The following SLC9B2 variants were observed in gnomAD, a reference collection of about 807,000 sequenced individuals.
SLC9B2 encodes the protein solute carrier family 9 member B2.
SLC9B2 carries 39 observed loss-of-function variants against 52.2 expected under a neutral mutation model. The ratio of observed to expected loss-of-function variants is 0.75; its 90% CI spans 0.58 to 0.98. The LOEUF is 0.98. Among genes scored for constraint, SLC9B2 ranks in the 50% least tolerant of loss-of-function variants. The pLI, the probability that SLC9B2 is intolerant of heterozygous loss-of-function variation, is 0.00. For synonymous variants in SLC9B2, 214 were observed against 227.0 expected (o/e 0.94, Z 0.51); for missense variants, 626 against 637.5 (o/e 0.98, Z 0.19).
At chr4:103,043,273 G>T in intron 9 of SLC9B2, 23 bp downstream of exon 9, 1 of 1,588,888 alleles carries the variant, frequency 6.3e-7, no homozygotes, top group Non-Finnish European at 8.5e-7. Flanking sequence ...GTCATGAGCA[G>T]AAAAACTTAA....
intron 4 of SLC9B2, among the ~76,000 whole-genome samples, chr4:103,054,172 G>A (rs1340086772): frequency 6.6e-6 from 1 of 152,134 alleles, no homozygotes; most frequent in Non-Finnish European, 1.5e-5. Context: ...GGAAGGCTGA[G>A]GCAGGAAGAT....
chr4:103,060,656 T>A (rs1049077970), intron 3 of SLC9B2, among the ~76,000 whole-genome samples: 3 of 151,922 alleles, frequency 2.0e-5, no homozygotes, highest in Non-Finnish European at 2.9e-5. Context: ...ACTAAACTTT[T>A]TAGTTTGTCT....
intron 8 of SLC9B2, among the ~76,000 whole-genome samples, chr4:103,044,608 A>T (rs1315337785): frequency 6.6e-6 from 1 of 152,184 alleles, no homozygotes; most frequent in Non-Finnish European, 1.5e-5. Flanking sequence ...TATTATGAAC[A>T]CTTAAAAAAC....
intron 11 of SLC9B2, 116 bp from the exon 12 acceptor site, chr4:103,026,707 T>A: frequency 1.1e-6 from 1 of 924,570 alleles, no homozygotes; most frequent in African/African-American, 1.7e-5. Context: ...ACTAAGAAAG[T>A]TGTAAGCATC....
At chr4:103,018,191 A>C (rs1319880821), downstream of SLC9B2, among the ~76,000 whole-genome samples, 1 of 152,248 alleles carries the variant, frequency 6.6e-6, no homozygotes, top group East Asian at 1.9e-4. Context: ...GAGAAGTACT[A>C]TAAAAACGAT....
At chr4:103,019,859 G>T, downstream of SLC9B2, 1 of 985,800 alleles carries the variant, frequency 1.0e-6, no homozygotes, top group Non-Finnish European at 1.2e-6. Flanking sequence ...TCCTTTCGAC[G>T]TCTCTTCTGA....
chr4:103,060,222 G>C (rs745332519), intron 3 of SLC9B2, among the ~76,000 whole-genome samples: 1 of 149,130 alleles, frequency 6.7e-6, no homozygotes, highest in Non-Finnish European at 1.5e-5. Flanking sequence ...CCTAGTTTTC[G>C]TATCTTTCAT....
intron 9 of SLC9B2, among the ~76,000 whole-genome samples, chr4:103,041,687 T>C (rs1248497956): frequency 6.6e-6 from 1 of 152,198 alleles, no homozygotes; most frequent in African/African-American, 2.4e-5. Flanking sequence ...TTTAGAATTA[T>C]GTTTAAATAC....
intron 4 of SLC9B2, among the ~76,000 whole-genome samples, chr4:103,053,033 GTGT>G (rs1159289833): frequency 6.6e-6 from 1 of 152,100 alleles, no homozygotes; most frequent in African/African-American, 2.4e-5. Flanking sequence ...GGATAGAGGA[GTGT>G]TGTTCTCTTA....
Position 103,043,294 on chromosome 4 carries a change from A to G in SLC9B2, c.1146+2T>C. ...AGCAGAAAAACTTAAAATGAAATTC[A>G]CCTTTTCGCTGGTCCATCCCATGCC... On this transcript the variant is annotated splice_donor_variant, in intron 9 of 11. Coordinates refer to ENST00000394785, the MANE Select transcript of SLC9B2 (RefSeq NM_178833.7). LOFTEE classifies it high-confidence loss of function. The G allele has an allele frequency of 6.3e-7, 1 of 1,595,772 alleles. No individual in the cohort carries two copies. Among genetic ancestry groups the G allele is most frequent in the Admixed American group, 1.9e-5 (1 of 53,934 alleles).
chr4:103,049,614 T>C (rs796541790), intron 5 of SLC9B2, among the ~76,000 whole-genome samples: 16 of 152,324 alleles, frequency 1.1e-4, no homozygotes, highest in African/African-American at 3.8e-4. Flanking sequence ...TTTTCTCCCC[T>C]GTGAGCATTA....
chr4:103,058,315 C>CT (rs201756479), intron 3 of SLC9B2, among the ~76,000 whole-genome samples: 1,960 of 152,258 alleles, frequency 0.013, 40 homozygotes, highest in African/African-American at 0.041. Flanking sequence ...ATTATTGTTA[C>CT]TTTTTTTATA....
Position 103,022,863 on chromosome 4 carries a change from T to C in SLC9B2, c.*3507A>G, listed in dbSNP as rs1045030486. Among the ~76,000 whole-genome samples, 3 of 151,970 alleles carry C rather than the reference T, an allele frequency of 2.0e-5. No individual in the cohort carries two copies. Among genetic ancestry groups the C allele is most frequent in the African/African-American group, 7.3e-5 (3 of 41,352 alleles). Reference sequence around the variant, plus strand: ...TAGGGCCCTCATGCTGTGATTAGAGTACCCTTATAAGAAGAGACACCAGAG... The same window carrying C: ...TAGGGCCCTCATGCTGTGATTAGAGCACCCTTATAAGAAGAGACACCAGAG... On this transcript the variant is annotated 3_prime_UTR_variant, in exon 12 of 12. Coordinates refer to ENST00000394785, the MANE Select transcript of SLC9B2 (RefSeq NM_178833.7).
At chr4:103,035,218 T>C (rs1401906061) in intron 9 of SLC9B2, among the ~76,000 whole-genome samples, 1 of 152,158 alleles carries the variant, frequency 6.6e-6, no homozygotes, top group African/African-American at 2.4e-5. Context: ...CTCCCACTTA[T>C]AAGTGAAAAC....
intron 6 of SLC9B2, 57 bp downstream of exon 6, chr4:103,048,836 C>A: frequency 1.3e-6 from 2 of 1,585,298 alleles, no homozygotes; most frequent in South Asian, 1.2e-5. Flanking sequence ...TGTATGCAAT[C>A]AGGGAAAGCC....
At chr4:103,041,983 A>G (rs1439638466) in intron 9 of SLC9B2, 1 of 152,194 alleles carries the variant, frequency 6.6e-6, no homozygotes, top group African/African-American at 2.4e-5. Flanking sequence ...GCGTAGCAAC[A>G]AAAATTTATT....
At chr4:103,028,625 CTT>C (rs1742425593) in intron 11 of SLC9B2, 120 bp downstream of exon 11, 15 of 1,236,338 alleles carry the variant, frequency 1.2e-5, no homozygotes, top group Middle Eastern at 4.0e-4. Flanking sequence ...AGGATAAACT[CTT>C]TTCATAAATC....
intron 9 of SLC9B2, among the ~76,000 whole-genome samples, chr4:103,032,264 G>A (rs1424457627): frequency 6.6e-6 from 1 of 152,008 alleles, no homozygotes; most frequent in East Asian, 1.9e-4. Flanking sequence ...CAGTATAGAA[G>A]TACCATAGTT....
At chr4:103,030,161 CAAT>C (rs1560540920) in intron 10 of SLC9B2, among the ~76,000 whole-genome samples, 1 of 151,986 alleles carries the variant, frequency 6.6e-6, no homozygotes, top group Non-Finnish European at 1.5e-5. Flanking sequence ...TGGTGCTGTC[CAAT>C]CAACAATTGG....
Sources: gnomAD v4.1 joint callset for allele counts (sites outside exome capture counted in the v4.1 genomes callset) on GRCh38, gnomAD v4.1.1 for gene constraint, MANE v1.5 for transcripts, NCBI Gene and HGNC (gene_info 2026-07-23, HGNC 2026-07-21) for gene names.